The following PKP1 variants were observed in gnomAD, a reference collection of about 807,000 sequenced individuals.
PKP1 encodes plakophilin 1.
PKP1 carries 27 observed loss-of-function variants against 76.4 expected under a neutral mutation model. The observed-to-expected ratio is 0.35, with a 90% CI of 0.26 to 0.49. The LOEUF (loss-of-function observed/expected upper bound fraction) is 0.49, where lower values mean the gene tolerates loss of function less well. PKP1 is among the 20% of genes least tolerant of loss of function. The pLI, the probability that PKP1 is intolerant of heterozygous loss-of-function variation, is 0.99. For missense variants in PKP1, 964 were observed against 955.2 expected (o/e 1.01, Z -0.12); for synonymous variants, 404 against 384.2 (o/e 1.05, Z -0.60).
In PKP1 at chr1:201,287,689, T is replaced by C. The variant is rs531681426; in HGVS notation, c.202+3785T>C. Among the ~76,000 whole-genome samples the C allele has an allele frequency of 2.6e-4, 40 of 152,338 alleles. No homozygotes were observed. The South Asian group carries it at 5.8e-3, about 22-fold the overall frequency. ...CAAAAATGCTGGGTATTCTAGGGTG[T>C]TTTGCAGCAAATGCTGCTTCTCTGG... On this transcript the variant is annotated intron_variant, in intron 1 of 13. Transcript: ENST00000367324.
chr1:201,301,858 C>T (rs1571546273), intron 2 of PKP1, among the ~76,000 whole-genome samples: 1 of 151,978 alleles, frequency 6.6e-6, no homozygotes, highest in Non-Finnish European at 1.5e-5. Flanking sequence ...TAATTAAAAG[C>T]TAAATTTTGC....
At chr1:201,329,881 G>A (rs1206235143) in intron 13 of PKP1, among the ~76,000 whole-genome samples, 193 bp from the exon 14 acceptor site, 2 of 152,196 alleles carry the variant, frequency 1.3e-5, no homozygotes, top group Non-Finnish European at 2.9e-5. Flanking sequence ...CTGTGGCAGG[G>A]TGGCAGACAA....
intron 2 of PKP1, among the ~76,000 whole-genome samples, chr1:201,311,427 G>T (rs766186784): frequency 1.3e-5 from 2 of 152,172 alleles, no homozygotes; most frequent in African/African-American, 4.8e-5. Context: ...TGCACAGCTG[G>T]GCGTGTGGGT....
At chr1:201,323,774 C>T (rs1363975275) in intron 9 of PKP1, among the ~76,000 whole-genome samples, 1 of 152,068 alleles carries the variant, frequency 6.6e-6, no homozygotes, top group Non-Finnish European at 1.5e-5. Flanking sequence ...TAGAGTAGAC[C>T]GAGGGCAGAG....
chr1:201,295,699 A>C (rs1258822521), intron 2 of PKP1, among the ~76,000 whole-genome samples: 1 of 152,200 alleles, frequency 6.6e-6, no homozygotes, highest in Non-Finnish European at 1.5e-5. Flanking sequence ...GACTTTAGAT[A>C]GTTTAATTTC....
intron 2 of PKP1, among the ~76,000 whole-genome samples, chr1:201,303,364 G>A (rs1256909188): frequency 6.6e-6 from 1 of 152,098 alleles, no homozygotes; most frequent in Non-Finnish European, 1.5e-5. Context: ...CTGGGTTCAA[G>A]CAATCCTCCC....
chr1:201,293,934 T>C lies in PKP1; in HGVS notation c.203-8T>C. ...ATCCCTGTCCTAATCCCCTCCTTTC[T>C]CCTCTAGGTTCCATGTATGATGGCT... On this transcript the variant is annotated splice_region_variant and splice_polypyrimidine_tract_variant and intron_variant, in intron 1 of 13. Coordinates refer to ENST00000367324, the MANE Select transcript of PKP1 (RefSeq NM_001005337.3). 6.3e-7 allele frequency: 1 copy of C among 1,595,730 alleles called. No individual in the cohort carries two copies. The highest frequency in any genetic ancestry group is 8.6e-7 in the Non-Finnish European group (1 of 1,164,710).
chr1:201,298,826 CAG>C (rs1174740493), intron 2 of PKP1, among the ~76,000 whole-genome samples: 3 of 152,220 alleles, frequency 2.0e-5, no homozygotes, highest in Non-Finnish European at 1.5e-5. Flanking sequence ...CCCATTGTGA[CAG>C]AGTCTTGTGG....
intron 2 of PKP1, among the ~76,000 whole-genome samples, chr1:201,296,115 C>A (rs2102156928): frequency 6.6e-6 from 1 of 152,300 alleles, no homozygotes; most frequent in Admixed American, 6.5e-5. Context: ...GGCAGGGTAG[C>A]TGCTGAGGCA....
chr1:201,305,678 G>A (rs181363971), intron 2 of PKP1, among the ~76,000 whole-genome samples: 1 of 152,260 alleles, frequency 6.6e-6, no homozygotes, highest in African/African-American at 2.4e-5. Context: ...TCCTGTTCCA[G>A]TGCATGGGGT....
At chr1:201,310,712 C>A (rs17190) in intron 2 of PKP1, among the ~76,000 whole-genome samples, 10 of 152,152 alleles carry the variant, frequency 6.6e-5, no homozygotes, top group Non-Finnish European at 1.2e-4. Context: ...CCCAGCTGTC[C>A]TCAGGCAGCA....
At chr1:201,288,491 G>A (rs957912633) in intron 1 of PKP1, among the ~76,000 whole-genome samples, 1 of 152,154 alleles carries the variant, frequency 6.6e-6, no homozygotes. Context: ...AGATGGCACG[G>A]GCATCAGGAC....
At position 201,324,490 on chromosome 1, in the gene PKP1, C is replaced by T. The variant is rs1415882124; in HGVS notation, c.1743C>T (p.Arg581=). The change falls in exon 10 of 14, where the codon CGC becomes CGT. Residue 581 remains arginine, a synonymous_variant. Coordinates refer to ENST00000367324, the MANE Select transcript of PKP1 (RefSeq NM_001005337.3). ...LKEKGLPQIA[R]LLQSGNSDVV... ...AAAAGGGCCTGCCACAAATTGCCCG[C>T]CTCCTGCAATCTGGCAACTCTGATG... 8 of 1,614,020 alleles carry T rather than the reference C, an allele frequency of 5.0e-6. No individual in the cohort carries two copies. In the Admixed American group the frequency reaches 8.3e-5, roughly 17 times the overall value.
At chr1:201,303,299 C>T (rs904561319) in intron 2 of PKP1, among the ~76,000 whole-genome samples, 12 of 151,576 alleles carry the variant, frequency 7.9e-5, no homozygotes, top group Non-Finnish European at 1.5e-4. Context: ...ACTACAGGCA[C>T]GTGCCAGTTT....
chr1:201,292,445 T>C (rs981122797), intron 1 of PKP1, among the ~76,000 whole-genome samples: 1 of 152,114 alleles, frequency 6.6e-6, no homozygotes, highest in African/African-American at 2.4e-5. Context: ...ACCCCTAATG[T>C]CCATGATGGA....
Position 201,325,736 on chromosome 1 carries a change from C to T in PKP1, c.2022-18C>T, listed in dbSNP as rs376830386. The T allele has an allele frequency of 2.2e-5, 35 of 1,595,846 alleles. No individual in the cohort carries two copies. In the African/African-American group the frequency reaches 3.1e-4, roughly 14 times the overall value. ...CTCCTGGAATCTCATCTCACAAATG[C>T]ACTTCTCACCTGCCCAGTGCCTCAC... On this transcript the variant is annotated intron_variant, in intron 11 of 13. Coordinates refer to ENST00000367324, the MANE Select transcript of PKP1 (RefSeq NM_001005337.3).
rs142762318 is a variant in PKP1 at position 201,299,139 on chromosome 1, C to T, written c.306+5094C>T. Reference sequence around the variant, plus strand: ...CAGAAACAGACTGTCCTTACCAATCCGCAGTCAACAGAGGCCATGCCCAGA... The same window carrying T: ...CAGAAACAGACTGTCCTTACCAATCTGCAGTCAACAGAGGCCATGCCCAGA... On this transcript the variant is annotated intron_variant, in intron 2 of 13. Transcript: ENST00000367324. Among the ~76,000 whole-genome samples the T allele has an allele frequency of 3.7e-3, 558 of 152,296 alleles. 2 individuals are homozygous for T. Among genetic ancestry groups the T allele is most frequent in the African/African-American group, 0.013 (524 of 41,554 alleles).
chr1:201,285,823 C>G (rs1442643417), intron 1 of PKP1, among the ~76,000 whole-genome samples: 3 of 152,238 alleles, frequency 2.0e-5, no homozygotes, highest in Non-Finnish European at 4.4e-5. Context: ...GATAAGGTCT[C>G]CTTTGTTCCC....
In PKP1 at chr1:201,325,219, G is replaced by A. The variant is rs552338227; in HGVS notation, c.2021+92G>A. On this transcript the variant is annotated intron_variant, in intron 11 of 13. Transcript: ENST00000367324. The stretch of plus-strand genomic sequence containing the variant: ...AAGCAGTCCCGCAGCTCTCCATGGA[G>A]TAGGGGAAGCACCAAGGGCAGGGGG... 4 of 1,331,776 alleles carry A rather than the reference G, an allele frequency of 3.0e-6. No individual in the cohort carries two copies. The East Asian group carries it at 6.9e-5, about 23-fold the overall frequency. 82.5% of individuals were successfully genotyped at this position (1,331,776 alleles called of 1,614,324 possible).
Sources: allele counts gnomAD v4.1 joint callset (sites outside exome capture counted in the v4.1 genomes callset), GRCh38; gene constraint gnomAD v4.1.1; transcripts MANE v1.5; gene names NCBI Gene and HGNC (gene_info 2026-07-23, HGNC 2026-07-21).